The following PRKG1 variants were observed in gnomAD, a reference collection of about 807,000 sequenced individuals.
The protein encoded by PRKG1 is cGMP-dependent protein kinase 1.
A neutral mutation model predicts 88.1 loss-of-function variants in PRKG1; 35 were observed. The observed-to-expected ratio is 0.40, with a 90% confidence interval of 0.30 to 0.53. The LOEUF (loss-of-function observed/expected upper bound fraction) is 0.53, where lower values mean the gene tolerates loss of function less well. Ranked by LOEUF, PRKG1 falls within the 20% of genes least tolerant of loss-of-function variation. The probability of loss-of-function intolerance (pLI) is 0.59; values close to 1 mark genes in which losing one functional copy is unlikely to be tolerated. For missense variants in PRKG1, 540 were observed against 839.8 expected (o/e 0.64, Z 4.41); for synonymous variants, 303 against 292.5 (o/e 1.04, Z -0.37).
intron 2 of PRKG1, among the ~76,000 whole-genome samples, chr10:51,158,834 G>A (rs1385811496): frequency 1.3e-5 from 2 of 151,822 alleles, no homozygotes; most frequent in Non-Finnish European, 2.9e-5. Flanking sequence ...TTTTAAGAAG[G>A]AACAATTCTT....
At chr10:51,060,121 A>G (rs1444986120) in intron 1 of PRKG1, among the ~76,000 whole-genome samples, 2 of 152,108 alleles carry the variant, frequency 1.3e-5, no homozygotes, top group Non-Finnish European at 2.9e-5. Flanking sequence ...TAGTAGAGCT[A>G]TATCAACTTT....
At chr10:52,210,055 G>T (rs901889701) in intron 9 of PRKG1, among the ~76,000 whole-genome samples, 27 of 152,090 alleles carry the variant, frequency 1.8e-4, no homozygotes, top group African/African-American at 6.5e-4. Flanking sequence ...CCATGCTTCT[G>T]ATTTGATGTG....
chr10:51,538,740 GAGA>G (rs1220342952), intron 3 of PRKG1, among the ~76,000 whole-genome samples: 9 of 150,212 alleles, frequency 6.0e-5, no homozygotes, highest in Non-Finnish European at 1.3e-4. Context: ...TCACATAAAA[GAGA>G]AGAAGAAAAT....
At chr10:51,461,270 T>G (rs868716941) in intron 2 of PRKG1, among the ~76,000 whole-genome samples, 1 of 152,138 alleles carries the variant, frequency 6.6e-6, no homozygotes, top group Non-Finnish European at 1.5e-5. Context: ...TTCATTCCAT[T>G]TGGATAACTA....
At chr10:52,280,718 GAAA>G in intron 12 of PRKG1, 68 bp from the exon 13 acceptor site, 1 of 1,390,786 alleles carries the variant, frequency 7.2e-7, no homozygotes, top group Non-Finnish European at 9.8e-7. Flanking sequence ...AGTGAAATGA[GAAA>G]AAAAAAATAA....
At chr10:51,313,070 A>AGTGTGTGTGT (rs34130710) in intron 2 of PRKG1, among the ~76,000 whole-genome samples, 6 of 145,916 alleles carry the variant, frequency 4.1e-5, no homozygotes, top group African/African-American at 1.3e-4. Flanking sequence ...ATTAAGTTGC[A>AGTGTGTGTGT]GTGTGTGTGT....
At chr10:51,981,198 C>T (rs1844000424) in intron 5 of PRKG1, among the ~76,000 whole-genome samples, 7 of 152,176 alleles carry the variant, frequency 4.6e-5, no homozygotes, top group Admixed American at 4.6e-4. Context: ...ATTCCCTCAG[C>T]ATTCACTTGT....
chr10:51,563,229 G>T (rs1837516069), intron 3 of PRKG1, among the ~76,000 whole-genome samples: 1 of 152,124 alleles, frequency 6.6e-6, no homozygotes, highest in Non-Finnish European at 1.5e-5. Flanking sequence ...ATGAGTTCTA[G>T]TGTTGTACAC....
chr10:51,202,883 A>G (rs1029797431), intron 2 of PRKG1, among the ~76,000 whole-genome samples: 1 of 152,218 alleles, frequency 6.6e-6, no homozygotes, highest in Non-Finnish European at 1.5e-5. Context: ...TTTTTTGAGC[A>G]TCACATTGAT....
chr10:51,209,291 G>A lies in PRKG1; in HGVS notation c.478+55961G>A, dbSNP rs146028989. 2.1e-4 allele frequency among the ~76,000 whole-genome samples: 32 copies of A among 152,158 alleles called. 1 individual carries two copies. Among genetic ancestry groups the A allele is most frequent in the South Asian group, 1.2e-3 (6 of 4,820 alleles). ...GATATTCATTGACCTCATACCGATC[G>A]CTTAACTGACAACCTCATCCAGTCC... On this transcript the variant is annotated intron_variant, in intron 2 of 17. Coordinates refer to ENST00000373980, the MANE Select transcript of PRKG1 (RefSeq NM_006258.4).
intron 3 of PRKG1, among the ~76,000 whole-genome samples, chr10:51,745,785 G>A (rs560113988): frequency 6.6e-6 from 1 of 152,294 alleles, no homozygotes; most frequent in East Asian, 1.9e-4. Context: ...GAGGCAGGTG[G>A]ATCATTTGAG....
chr10:52,128,797 C>T (rs1380807954), intron 7 of PRKG1, among the ~76,000 whole-genome samples: 1 of 152,120 alleles, frequency 6.6e-6, no homozygotes, highest in Non-Finnish European at 1.5e-5. Flanking sequence ...ACACCGAAAT[C>T]AACTAATACA....
At chr10:51,569,022 A>G (rs1312559222) in intron 3 of PRKG1, among the ~76,000 whole-genome samples, 5 of 149,396 alleles carry the variant, frequency 3.3e-5, no homozygotes, top group Non-Finnish European at 7.4e-5. Flanking sequence ...TAATTCAGAA[A>G]CTATTACAAT....
chr10:51,292,324 A>G (rs1274752719), intron 2 of PRKG1, among the ~76,000 whole-genome samples: 3 of 152,106 alleles, frequency 2.0e-5, no homozygotes, highest in African/African-American at 7.2e-5. Flanking sequence ...TCATTTTCTC[A>G]AAGCTCACTC....
At chr10:51,034,713 A>C (rs1261978169) in intron 1 of PRKG1, among the ~76,000 whole-genome samples, 1 of 75,296 alleles carries the variant, frequency 1.3e-5, no homozygotes. Flanking sequence ...TATATGCCTT[A>C]AAAATTACGG....
chr10:51,531,453 A>G (rs186782092), intron 3 of PRKG1, among the ~76,000 whole-genome samples: 21 of 152,254 alleles, frequency 1.4e-4, no homozygotes, highest in Admixed American at 5.2e-4. Context: ...TTCACTCTGC[A>G]GAAATAAGAA....
intron 8 of PRKG1, among the ~76,000 whole-genome samples, chr10:52,140,561 G>T (rs1159183513): frequency 6.6e-6 from 1 of 152,064 alleles, no homozygotes; most frequent in Non-Finnish European, 1.5e-5. Flanking sequence ...GTTTGCTTCA[G>T]ATTTTGCATC....
chr10:51,367,960 G>C (rs1842623976), intron 2 of PRKG1, among the ~76,000 whole-genome samples: 1 of 151,854 alleles, frequency 6.6e-6, no homozygotes, highest in Non-Finnish European at 1.5e-5. Context: ...CTGTTTTACA[G>C]GGCTTCCCTC....
At chr10:51,535,634 C>A (rs1054581182) in intron 3 of PRKG1, among the ~76,000 whole-genome samples, 1 of 148,360 alleles carries the variant, frequency 6.7e-6, no homozygotes, top group Non-Finnish European at 1.5e-5. Flanking sequence ...GAGAAGGCAA[C>A]AATCAAGAAA....
Sources: allele counts gnomAD v4.1 joint callset (sites outside exome capture counted in the v4.1 genomes callset), GRCh38; gene constraint gnomAD v4.1.1; transcripts MANE v1.5; gene names NCBI Gene and HGNC (gene_info 2026-07-23, HGNC 2026-07-21).